Variants in SLX4 observed in about 807,000 individuals in gnomAD.
SLX4 encodes SLX4 structure-specific endonuclease subunit.
In SLX4, 112 loss-of-function variants were observed where a neutral mutation model predicts 146.2. The observed-to-expected ratio is 0.77, with a 90% CI of 0.66 to 0.90. SLX4 has a LOEUF of 0.90. SLX4 is among the 40% of genes least tolerant of loss of function. The pLI, the probability that SLX4 is intolerant of heterozygous loss-of-function variation, is 0.00. For synonymous variants in SLX4, 1,061 were observed against 997.7 expected (o/e 1.06, Z -1.20); for missense variants, 2,563 against 2,392.7 (o/e 1.07, Z -1.49).
In SLX4 at chr16:3,591,182, A is replaced by G; in HGVS notation, c.2456T>C (p.Leu819Ser). 4.3e-6 allele frequency: 7 copies of G among 1,614,118 alleles called. No individual in the cohort carries two copies. The highest frequency in any genetic ancestry group is 5.9e-6 in the Non-Finnish European group (7 of 1,180,026). Residue 819 changes from leucine to serine, a missense_variant, in exon 12 of 15, where the codon TTG becomes TCG. Physicochemically the swap from Leu to Ser is moderately radical, Grantham distance 145. Transcript: ENST00000294008. ...CTCTTCATCTGCCCACATTGACCTC[A>G]AGAGTTCCTGGAAATTCTCGGCCCT... ...ESRAENFQEL[L>S]RSMWADEEEE... is the part of the protein sequence containing the mutation.
chr16:3,604,642 G>A (rs2040763478), intron 3 of SLX4, among the ~76,000 whole-genome samples: 1 of 152,002 alleles, frequency 6.6e-6, no homozygotes, highest in Non-Finnish European at 1.5e-5. Flanking sequence ...CCGGCATGGT[G>A]AAACCCCAAC....
intron 3 of SLX4, among the ~76,000 whole-genome samples, chr16:3,605,041 C>A (rs1464666582): frequency 6.6e-6 from 1 of 151,296 alleles, no homozygotes; most frequent in East Asian, 2.0e-4. Context: ...CCACCTCAGC[C>A]TCCCGAGTAG....
At chr16:3,585,380 A>C (rs957274739) in intron 12 of SLX4, among the ~76,000 whole-genome samples, 7 of 152,096 alleles carry the variant, frequency 4.6e-5, no homozygotes, top group Admixed American at 1.3e-4. Context: ...AGGTCAGGAG[A>C]TCGAGACCAT....
rs1434370866 is a variant in SLX4 at position 3,590,553 on chromosome 16, G to C, written c.3085C>G (p.Pro1029Ala). 1 of 1,612,486 alleles carries C rather than the reference G, an allele frequency of 6.2e-7. No homozygotes were observed. Among genetic ancestry groups the C allele is most frequent in the South Asian group, 1.1e-5 (1 of 91,068 alleles). The change falls in exon 12 of 15, where the codon CCA becomes GCA. Residue 1029 changes from proline to alanine, a missense_variant. Transcript: ENST00000294008. The surrounding 1 kb of genome is among the most constrained non-coding windows in gnomAD (Gnocchi z 4.8). ...SHRLAPWQAS[P>A]PHPCRFLLGP... is the part of the protein sequence containing the mutation. Reference sequence around the variant, plus strand: ...AATAGGAAGCGGCACGGGTGCGGTGGAGATGCCTGCCAGGGAGCCAGGCGA... The same window carrying C: ...AATAGGAAGCGGCACGGGTGCGGTGCAGATGCCTGCCAGGGAGCCAGGCGA...
At chr16:3,603,592 A>G (rs2040751813) in intron 3 of SLX4, among the ~76,000 whole-genome samples, 1 of 152,240 alleles carries the variant, frequency 6.6e-6, no homozygotes. Context: ...CTGCAATGCA[A>G]TGCCAAGATC....
chr16:3,600,411 C>A (rs951840722), intron 5 of SLX4, among the ~76,000 whole-genome samples: 2 of 152,022 alleles, frequency 1.3e-5, no homozygotes, highest in African/African-American at 2.4e-5. Context: ...TCAGGAAGGA[C>A]CTTGAGGAAA....
At chr16:3,586,356 T>C (rs2040508523) in intron 12 of SLX4, among the ~76,000 whole-genome samples, 1 of 148,798 alleles carries the variant, frequency 6.7e-6, no homozygotes, top group African/African-American at 2.4e-5. Flanking sequence ...ACCCAGTCTC[T>C]ACTAAAAAAA....
At chr16:3,592,169 G>A (rs1251394036) in intron 11 of SLX4, among the ~76,000 whole-genome samples, 1 of 152,236 alleles carries the variant, frequency 6.6e-6, no homozygotes, top group African/African-American at 2.4e-5. Context: ...GAAAGCAGCG[G>A]AGGGAGGACG....
At chr16:3,593,605 C>T (rs2040616375) in intron 10 of SLX4, among the ~76,000 whole-genome samples, 1 of 152,182 alleles carries the variant, frequency 6.6e-6, no homozygotes, top group Non-Finnish European at 1.5e-5. Context: ...CAGGTGAGGC[C>T]TAACACTCCT....
At position 3,596,310 on chromosome 16, in the gene SLX4, G is replaced by A. The variant is rs2151130128; in HGVS notation, c.1767C>T (p.Gly589=). 1 of 1,577,484 alleles carries A rather than the reference G, an allele frequency of 6.3e-7. No homozygotes were observed. The highest frequency in any genetic ancestry group is 8.6e-7 in the Non-Finnish European group (1 of 1,162,088). ...LSERRSPALH[G]TPTAGCGSRG... The stretch of plus-strand genomic sequence containing the variant: ...TGGAGCCACAGCCTGCAGTGGGGGT[G>A]CCGTGGAGAGCGGGTGACCTTCGCT... The change falls in exon 8 of 15, where the codon GGC becomes GGT. Residue 589 remains glycine, a synonymous_variant. Transcript: ENST00000294008.
In SLX4 at chr16:3,590,130, A is replaced by C; in HGVS notation, c.3508T>G (p.Ser1170Ala). 2 of 1,614,022 alleles carry C rather than the reference A, an allele frequency of 1.2e-6. No homozygotes were observed. The highest frequency in any genetic ancestry group is 1.7e-6 in the Non-Finnish European group (2 of 1,180,016). The change falls in exon 12 of 15, where the codon TCC (serine) becomes GCC (alanine). Residue 1170 changes from serine to alanine, a missense_variant. By Grantham distance (99) the Ser-to-Ala change is moderately conservative. Coordinates refer to ENST00000294008, the MANE Select transcript of SLX4 (RefSeq NM_032444.4). The surrounding 1 kb of genome is among the most constrained non-coding windows in gnomAD (Gnocchi z 4.8). ...TCTTCCAGAGGATCACTAGAAATGG[A>C]CTTCATTTTGGTTTGTTCTAGCTCC... ...ELELEQTKMK[S>A]ISSDPLEEKK...
chr16:3,582,683 A>C lies in SLX4; in HGVS notation c.5164T>G (p.Cys1722Gly). 2 of 1,611,982 alleles carry C rather than the reference A, an allele frequency of 1.2e-6. No individual in the cohort carries two copies. Among genetic ancestry groups the C allele is most frequent in the Non-Finnish European group, 1.7e-6 (2 of 1,179,932 alleles). Reference protein sequence around the residue: ...SSLSSQSSSSCEFGAAFESAG... With the variant: ...SSLSSQSSSSGEFGAAFESAG... ...GACTCAAATGCCGCTCCAAACTCAC[A>C]GGAGGAAGAACTGAAAAGAGCCAGA... The change falls in exon 15 of 15, where the codon TGT becomes GGT. Residue 1722 changes from cysteine (C) to glycine (G), a missense_variant. Physicochemically the swap from Cys to Gly is radical, Grantham distance 159. Coordinates refer to ENST00000294008, the MANE Select transcript of SLX4 (RefSeq NM_032444.4).
In SLX4 at chr16:3,590,893, C is replaced by A. The variant is rs770017146; in HGVS notation, c.2745G>T (p.Glu915Asp). The A allele has an allele frequency of 4.3e-6, 7 of 1,614,092 alleles. No homozygotes were observed. In the South Asian group the frequency reaches 7.7e-5, roughly 18 times the overall value. Residue 915 changes from glutamate to aspartate, a missense_variant, in exon 12 of 15, where the codon GAG (glutamate) becomes GAT (aspartate). Coordinates refer to ENST00000294008, the MANE Select transcript of SLX4 (RefSeq NM_032444.4). The surrounding 1 kb of genome is among the most constrained non-coding windows in gnomAD (Gnocchi z 4.8). ...EMEPLEPGRDEAATTWEKMGQ... is the reference protein window; with the variant it reads ...EMEPLEPGRDDAATTWEKMGQ... ...CCATCTTCTCCCAGGTGGTGGCGGC[C>A]TCATCTCTTCCTGGCTCCAACGGCT...
In SLX4 at chr16:3,608,949, T is replaced by A. The variant is rs1420004804; in HGVS notation, c.16A>T (p.Asn6Tyr). The change falls in exon 2 of 15, where the codon AAT (asparagine) becomes TAT (tyrosine). Residue 6 changes from asparagine (N) to tyrosine (Y), a missense_variant. By Grantham distance (143) the Asn-to-Tyr change is moderately radical. Transcript: ENST00000294008. ...AAGTAGAAGCCTAGCTGAGCCTCATTCACACTCAGTTTCATTAGGGTTCTT... is the reference window on the plus strand; with the variant it reads ...AAGTAGAAGCCTAGCTGAGCCTCATACACACTCAGTTTCATTAGGGTTCTT... MKLSV[N>Y]EAQLGFYLGS... The A allele has an allele frequency of 6.2e-7, 1 of 1,613,558 alleles. No individual in the cohort carries two copies. The highest frequency in any genetic ancestry group is 8.5e-7 in the Non-Finnish European group (1 of 1,180,000).
At chr16:3,599,845 C>A (rs969174300) in intron 5 of SLX4, among the ~76,000 whole-genome samples, 1 of 152,174 alleles carries the variant, frequency 6.6e-6, no homozygotes, top group Non-Finnish European at 1.5e-5. Flanking sequence ...CCTGGCCTCC[C>A]AAAGTATTGA....
intron 4 of SLX4, 128 bp from the exon 5 acceptor site, chr16:3,601,319 C>T (rs552109512): frequency 3.3e-6 from 3 of 904,460 alleles, no homozygotes; most frequent in Non-Finnish European, 5.3e-6. Context: ...CCCCTCTACA[C>T]AGCCTGGCTC....
At position 3,581,687 on chromosome 16, in the gene SLX4, C is replaced by T. The variant is rs116003727; in HGVS notation, c.*655G>A. On this transcript the variant is annotated 3_prime_UTR_variant, in exon 15 of 15. Coordinates refer to ENST00000294008, the MANE Select transcript of SLX4 (RefSeq NM_032444.4). ...GGCAAATGTGGCAGAATAGGCCATG[C>T]CCTGGCCAGCTGGTGATGGCCCACT... 0.016 allele frequency: 2,552 copies of T among 156,256 alleles called. 90 individuals are homozygous for T. Among genetic ancestry groups the T allele is most frequent in the African/African-American group, 0.058 (2,415 of 41,592 alleles). 9.7% of individuals were successfully genotyped at this position (156,256 alleles called of 1,614,324 possible).
chr16:3,608,456 G>C lies in SLX4; in HGVS notation c.509C>G (p.Pro170Arg). Residue 170 changes from proline (P) to arginine (R), a missense_variant, in exon 2 of 15, where the codon CCA (proline) becomes CGA (arginine). By Grantham distance (103) the Pro-to-Arg change is moderately radical. Transcript: ENST00000294008. ...TCTGGTTTTCTCTCTGGAAAGGTTT[G>C]GCGATGGTTCTTGCTGGTTACCCGT... Reference protein sequence around the residue: ...TQTGNQQEPSPNLSREKTREN... With the variant: ...TQTGNQQEPSRNLSREKTREN... The C allele has an allele frequency of 6.2e-7, 1 of 1,614,202 alleles. No individual in the cohort carries two copies. The highest frequency in any genetic ancestry group is 8.5e-7 in the Non-Finnish European group (1 of 1,180,050).
chr16:3,582,385 C>G lies in SLX4; in HGVS notation c.5462G>C (p.Arg1821Thr). The change falls in exon 15 of 15, where the codon AGG becomes ACG. Residue 1821 changes from arginine (R) to threonine (T), a missense_variant. Physicochemically the swap from Arg to Thr is moderately conservative, Grantham distance 71. Coordinates refer to ENST00000294008, the MANE Select transcript of SLX4 (RefSeq NM_032444.4). ...AATRREKLQG[R>T]RRQPRGKKKV... ...CTTCTTGCCCCGAGGCTGCCGCCTC[C>G]TGCCCTGGAGCTTCTCCCTGCGGGT... The G allele has an allele frequency of 6.2e-7, 1 of 1,613,816 alleles. No homozygotes were observed. The highest frequency in any genetic ancestry group is 8.5e-7 in the Non-Finnish European group (1 of 1,180,042).
Sources: gnomAD v4.1 joint callset for allele counts (sites outside exome capture counted in the v4.1 genomes callset) on GRCh38, gnomAD v4.1.1 for gene constraint, Gnocchi (gnomAD v3.1) non-coding constraint, MANE v1.5 for transcripts, NCBI Gene and HGNC (gene_info 2026-07-23, HGNC 2026-07-21) for gene names.